BCL2: variants seen among roughly 807,000 people sequenced by gnomAD.
The protein encoded by BCL2 is apoptosis regulator Bcl-2.
A neutral mutation model predicts 14.2 loss-of-function variants in BCL2; 1 was observed. The observed-to-expected ratio is 0.07, with a 90% CI of 0.02 to 0.33. The LOEUF is 0.33. Ranked by LOEUF, BCL2 falls within the 10% of genes least tolerant of loss-of-function variation. The pLI, the probability that BCL2 is intolerant of heterozygous loss-of-function variation, is 0.99. For synonymous variants in BCL2, 151 were observed against 137.2 expected (o/e 1.10, Z -0.70); for missense variants, 247 against 305.9 (o/e 0.81, Z 1.44).
chr18:63,260,450 G>T (rs760294739), intron 2 of BCL2, among the ~76,000 whole-genome samples: 1 of 152,158 alleles, frequency 6.6e-6, no homozygotes, highest in Non-Finnish European at 1.5e-5. Flanking sequence ...GCAGTTACTA[G>T]TCCATAGAAC....
At chr18:63,313,230 C>G (rs895687153) in intron 2 of BCL2, among the ~76,000 whole-genome samples, 1 of 152,168 alleles carries the variant, frequency 6.6e-6, no homozygotes, top group Non-Finnish European at 1.5e-5. Flanking sequence ...CTCTCCTTGC[C>G]GTGCCTCCAA....
At chr18:63,177,492 G>A (rs1235488169) in intron 2 of BCL2, among the ~76,000 whole-genome samples, 1 of 152,144 alleles carries the variant, frequency 6.6e-6, no homozygotes, top group Non-Finnish European at 1.5e-5. Context: ...CTGAATACCG[G>A]CTGTGAGCTT....
At chr18:63,290,121 G>C (rs186203884) in intron 2 of BCL2, among the ~76,000 whole-genome samples, 41 of 152,220 alleles carry the variant, frequency 2.7e-4, no homozygotes, top group African/African-American at 9.6e-4. Context: ...CTGGGTGATC[G>C]GAATAGTGAT....
intron 2 of BCL2, among the ~76,000 whole-genome samples, chr18:63,146,624 T>G (rs1214352543): frequency 1.3e-5 from 2 of 152,260 alleles, no homozygotes; most frequent in Non-Finnish European, 2.9e-5. Flanking sequence ...CATCTTTTCT[T>G]TGTGTGTTTT....
chr18:63,203,961 A>G (rs556953333), intron 2 of BCL2, among the ~76,000 whole-genome samples: 2 of 152,316 alleles, frequency 1.3e-5, no homozygotes, highest in African/African-American at 4.8e-5. Flanking sequence ...TGCATTTCCT[A>G]TCTAAAGTCT....
intron 2 of BCL2, among the ~76,000 whole-genome samples, chr18:63,155,117 A>G (rs971713301): frequency 1.3e-5 from 2 of 152,156 alleles, no homozygotes; most frequent in African/African-American, 4.8e-5. Flanking sequence ...TACAACATCA[A>G]CCACAAAGGC....
chr18:63,308,749 T>A (rs913964412), intron 2 of BCL2, among the ~76,000 whole-genome samples: 41 of 150,512 alleles, frequency 2.7e-4, no homozygotes, highest in African/African-American at 9.7e-4. Flanking sequence ...GATGGGACAT[T>A]TCAGACACAC....
At chr18:63,142,211 C>G (rs1914384511) in intron 2 of BCL2, among the ~76,000 whole-genome samples, 3 of 152,200 alleles carry the variant, frequency 2.0e-5, no homozygotes, top group Admixed American at 6.5e-5. Context: ...TGAAAGTGGC[C>G]TCAGACCTGG....
chr18:63,175,864 G>A (rs934096942), intron 2 of BCL2, among the ~76,000 whole-genome samples: 3 of 152,090 alleles, frequency 2.0e-5, no homozygotes, highest in African/African-American at 4.8e-5. Flanking sequence ...AGCTTTCTAC[G>A]GGGCTCACAC....
chr18:63,248,053 T>A (rs1461699083), intron 2 of BCL2, among the ~76,000 whole-genome samples: 1 of 151,920 alleles, frequency 6.6e-6, no homozygotes, highest in African/African-American at 2.4e-5. Flanking sequence ...GATACCAGAG[T>A]CAGCATGTGC....
intron 2 of BCL2, among the ~76,000 whole-genome samples, chr18:63,198,733 AGACACAGGGACACACACAGACACACACT>A (rs1909553489): frequency 6.8e-6 from 1 of 147,010 alleles, no homozygotes; most frequent in Non-Finnish European, 1.5e-5. Flanking sequence ...AGACACACAC[AGACACAGGGACACACACAGACACACACT>A]GACACAGAGA....
chr18:63,203,428 T>C (rs1909755496), intron 2 of BCL2, among the ~76,000 whole-genome samples: 1 of 152,162 alleles, frequency 6.6e-6, no homozygotes, highest in South Asian at 2.1e-4. Context: ...ACTTATATAT[T>C]TTTAAAAAGA....
intron 2 of BCL2, among the ~76,000 whole-genome samples, chr18:63,183,880 A>T (rs1915533204): frequency 6.6e-6 from 1 of 152,064 alleles, no homozygotes; most frequent in African/African-American, 2.4e-5. Context: ...GAATAACCAC[A>T]CACCTCTCTC....
At chr18:63,160,640 T>C (rs1191969997) in intron 2 of BCL2, among the ~76,000 whole-genome samples, 1 of 152,244 alleles carries the variant, frequency 6.6e-6, no homozygotes, top group East Asian at 1.9e-4. Flanking sequence ...CTTCAGGGAA[T>C]GTCTGGCCCA....
intron 2 of BCL2, among the ~76,000 whole-genome samples, chr18:63,258,670 C>G (rs901210505): frequency 6.6e-6 from 1 of 152,264 alleles, no homozygotes; most frequent in Non-Finnish European, 1.5e-5. Context: ...GATCCCTATA[C>G]ACGGTCTCCG....
chr18:63,243,891 T>C (rs1330785773), intron 2 of BCL2, among the ~76,000 whole-genome samples: 2 of 152,216 alleles, frequency 1.3e-5, no homozygotes, highest in African/African-American at 4.8e-5. Context: ...TCAACTTCAT[T>C]ATTACTGAAA....
chr18:63,281,170 C>T (rs1438165134), intron 2 of BCL2, among the ~76,000 whole-genome samples: 2 of 151,818 alleles, frequency 1.3e-5, no homozygotes, highest in Admixed American at 6.6e-5. Flanking sequence ...AGGCTGCAGG[C>T]GTGGGGGAAC....
chr18:63,198,740 GGGACAC>G (rs1909554639), intron 2 of BCL2, among the ~76,000 whole-genome samples: 2 of 87,816 alleles, frequency 2.3e-5, no homozygotes, highest in Non-Finnish European at 4.4e-5. Context: ...CACAGACACA[GGGACAC>G]ACACAGACAC....
intron 2 of BCL2, among the ~76,000 whole-genome samples, chr18:63,212,343 C>A (rs911541489): frequency 6.7e-6 from 1 of 149,708 alleles, no homozygotes; most frequent in South Asian, 2.1e-4. Context: ...AACAAACAAA[C>A]AACAACAACA....
Sources: allele counts gnomAD v4.1 joint callset (sites outside exome capture counted in the v4.1 genomes callset), GRCh38; gene constraint gnomAD v4.1.1; transcripts MANE v1.5; gene names NCBI Gene and HGNC (gene_info 2026-07-23, HGNC 2026-07-21).